The following MAP3K1 variants were observed in gnomAD, a reference collection of about 807,000 sequenced individuals.
MAP3K1 encodes MAP/ERK kinase kinase 1.
MAP3K1 carries 36 observed loss-of-function variants against 144.2 expected under a neutral mutation model. That is an observed-to-expected ratio of 0.25 (90% CI 0.19 to 0.33). MAP3K1 has a LOEUF of 0.33. Ranked by LOEUF, MAP3K1 falls within the 10% of genes least tolerant of loss-of-function variation. The probability of loss-of-function intolerance (pLI) is 1.00; values close to 1 mark genes in which losing one functional copy is unlikely to be tolerated. For missense variants in MAP3K1, 1,650 were observed against 1,881.9 expected, an observed-to-expected ratio of 0.88 and a Z score of 2.28; for synonymous variants, 718 against 688.7, an observed-to-expected ratio of 1.04 and a Z score of -0.67.
intron 19 of MAP3K1, among the ~76,000 whole-genome samples, chr5:56,891,119 C>A: frequency 7.1e-6 from 1 of 140,178 alleles, no homozygotes. Flanking sequence ...GCCTTTTTTC[C>A]TCCACAAAAC....
At chr5:56,839,337 T>C (rs574630172) in intron 1 of MAP3K1, among the ~76,000 whole-genome samples, 4 of 152,336 alleles carry the variant, frequency 2.6e-5, no homozygotes, top group African/African-American at 9.6e-5. Context: ...CTTTTTCCAC[T>C]TGTCGATTGG....
chr5:56,893,696 A>G lies in MAP3K1; in HGVS notation c.*16A>G. 6.2e-7 allele frequency: 1 copy of G among 1,613,394 alleles called. No homozygotes were observed. The highest frequency in any genetic ancestry group is 8.5e-7 in the Non-Finnish European group (1 of 1,179,562). ...TACATGGTAGCCAATTATGCAGATC[A>G]ACTACAGTAGAAACAGGATGCTCAA... On this transcript the variant is annotated 3_prime_UTR_variant, in exon 20 of 20. Transcript: ENST00000399503.
At chr5:56,840,650 G>A (rs1317432348) in intron 1 of MAP3K1, among the ~76,000 whole-genome samples, 3 of 152,080 alleles carry the variant, frequency 2.0e-5, no homozygotes, top group Admixed American at 1.3e-4. Context: ...GAGATTAAGC[G>A]TATCTGATAC....
intron 1 of MAP3K1, among the ~76,000 whole-genome samples, chr5:56,822,910 T>G (rs1746197586): frequency 6.6e-6 from 1 of 152,130 alleles, no homozygotes; most frequent in East Asian, 1.9e-4. Flanking sequence ...ATTCAGACCA[T>G]CCTTAGGTGC....
intron 1 of MAP3K1, chr5:56,852,014 G>A (rs1488021618): frequency 6.6e-6 from 1 of 151,854 alleles, no homozygotes; most frequent in African/African-American, 2.4e-5. Context: ...GCAGCTAACT[G>A]CCGTAGAATG....
At chr5:56,872,123 A>T in intron 7 of MAP3K1, 92 bp downstream of exon 7, 1 of 1,527,354 alleles carries the variant, frequency 6.5e-7, no homozygotes, top group Non-Finnish European at 9.1e-7. Context: ...CTTGAGGGGA[A>T]ATTGGTGAGA....
intron 1 of MAP3K1, among the ~76,000 whole-genome samples, chr5:56,840,870 G>GTTT (rs5868031): frequency 9.4e-5 from 13 of 138,356 alleles, no homozygotes; most frequent in Non-Finnish European, 1.6e-4. Flanking sequence ...AATTGTTAAG[G>GTTT]TTTTTTTTTT....
intron 10 of MAP3K1, among the ~76,000 whole-genome samples, chr5:56,878,628 A>G (rs986913368): frequency 1.3e-5 from 2 of 152,078 alleles, no homozygotes; most frequent in African/African-American, 4.8e-5. Flanking sequence ...CAGTACTACC[A>G]TCATTTGTTT....
At chr5:56,892,591 C>A (rs1298733574) in intron 19 of MAP3K1, among the ~76,000 whole-genome samples, 1 of 152,068 alleles carries the variant, frequency 6.6e-6, no homozygotes, top group Non-Finnish European at 1.5e-5. Flanking sequence ...GATTTCATAG[C>A]TAGCTAAATG....
At chr5:56,865,260 A>G in intron 4 of MAP3K1, 80 bp from the exon 5 acceptor site, 1 of 863,412 alleles carries the variant, frequency 1.2e-6, no homozygotes, top group Non-Finnish European at 1.9e-6. Context: ...AAAGTTGGAA[A>G]TATTGTAAAA....
intron 6 of MAP3K1, among the ~76,000 whole-genome samples, chr5:56,871,093 G>T (rs553607750): frequency 1.1e-4 from 16 of 151,986 alleles, no homozygotes; most frequent in East Asian, 3.9e-4. Flanking sequence ...AAAGTACTTT[G>T]TATGTTAGAA....
At chr5:56,837,341 A>G (rs543097164) in intron 1 of MAP3K1, among the ~76,000 whole-genome samples, 52 of 152,254 alleles carry the variant, frequency 3.4e-4, no homozygotes, top group Middle Eastern at 3.4e-3. Context: ...TTTCACTGAA[A>G]TATATATGAG....
At chr5:56,839,688 G>T (rs1036968307) in intron 1 of MAP3K1, among the ~76,000 whole-genome samples, 5 of 152,182 alleles carry the variant, frequency 3.3e-5, no homozygotes, top group African/African-American at 1.2e-4. Flanking sequence ...TTTTCTCTCA[G>T]TACTCTGGTT....
At chr5:56,868,673 C>T (rs923900316) in intron 6 of MAP3K1, among the ~76,000 whole-genome samples, 16 of 152,142 alleles carry the variant, frequency 1.1e-4, no homozygotes, top group Admixed American at 2.0e-4. Context: ...CGTGAGCCAC[C>T]GCGCCCGGCC....
chr5:56,885,896 C>G (rs1748364085), intron 16 of MAP3K1, 36 bp from the exon 17 acceptor site: 2 of 1,597,344 alleles, frequency 1.3e-6, no homozygotes, highest in Non-Finnish European at 8.6e-7. Flanking sequence ...TTAATTCTGT[C>G]TTAAGTTTAT....
At position 56,883,518 on chromosome 5, in the gene MAP3K1, A is replaced by G. The variant is rs1748289846; in HGVS notation, c.3667-9A>G. ...AACAGTAAAAAGATTGCTTTCGTTT[A>G]ATATGTAGACACCAGAGACTCTACC... On this transcript the variant is annotated splice_polypyrimidine_tract_variant and intron_variant, in intron 14 of 19. Transcript: ENST00000399503. 4 of 1,613,344 alleles carry G rather than the reference A, an allele frequency of 2.5e-6. No individual in the cohort carries two copies. Among genetic ancestry groups the G allele is most frequent in the Non-Finnish European group, 3.4e-6 (4 of 1,179,478 alleles).
chr5:56,825,341 C>G (rs1746279315), intron 1 of MAP3K1, among the ~76,000 whole-genome samples: 1 of 152,100 alleles, frequency 6.6e-6, no homozygotes, highest in African/African-American at 2.4e-5. Context: ...AACCAAATTT[C>G]AAGTTTTGTA....
intron 3 of MAP3K1, among the ~76,000 whole-genome samples, chr5:56,861,452 A>G (rs2111879756): frequency 6.6e-6 from 1 of 151,884 alleles, no homozygotes; most frequent in South Asian, 2.1e-4. Context: ...GGCACCTGTA[A>G]TCCCAGCTAC....
In MAP3K1 at chr5:56,894,832, C is replaced by A. The variant is rs1748655586; in HGVS notation, c.*1152C>A. The A allele has an allele frequency of 4.3e-6, 1 of 231,940 alleles. No homozygotes were observed. The highest frequency in any genetic ancestry group is 2.2e-5 in the African/African-American group (1 of 45,280). 14.4% of individuals were successfully genotyped at this position (231,940 alleles called of 1,614,324 possible). A position where few individuals can be genotyped will look rare whatever the true frequency, so the allele number is the denominator to read the frequency against. Reference sequence around the variant, plus strand: ...TTTTAAACAGTACATTTGCTTTGAACTTGGAAAATGTGTTCAGAAAGAAAA... The same window carrying A: ...TTTTAAACAGTACATTTGCTTTGAAATTGGAAAATGTGTTCAGAAAGAAAA... On this transcript the variant is annotated 3_prime_UTR_variant, in exon 20 of 20. Transcript: ENST00000399503.
Sources: gnomAD v4.1 joint callset for allele counts (sites outside exome capture counted in the v4.1 genomes callset) on GRCh38, gnomAD v4.1.1 for gene constraint, MANE v1.5 for transcripts, NCBI Gene and HGNC (gene_info 2026-07-23, HGNC 2026-07-21) for gene names.